SARAF: variants seen among roughly 807,000 people sequenced by gnomAD.
SARAF encodes store-operated calcium entry-associated regulatory factor.
Under a neutral mutation model 39.7 loss-of-function variants are expected in SARAF, and 23 were observed. The observed-to-expected ratio is 0.58, with a 90% confidence interval of 0.42 to 0.82. The LOEUF is 0.82. Ranked by LOEUF, SARAF falls within the 40% of genes least tolerant of loss-of-function variation. SARAF has a pLI of 0.00. For missense variants in SARAF, 384 were observed against 418.5 expected (o/e 0.92, Z 0.72); for synonymous variants, 175 against 168.5 (o/e 1.04, Z -0.30).
Position 30,066,843 on chromosome 8 carries a change from G to A in SARAF, c.776C>T (p.Ser259Leu). 1 of 1,614,142 alleles carries A rather than the reference G, an allele frequency of 6.2e-7. No individual in the cohort carries two copies. Among genetic ancestry groups the A allele is most frequent in the Admixed American group, 1.7e-5 (1 of 60,012 alleles). The change falls in exon 4 of 6, where the codon TCA (serine) becomes TTA (leucine). Residue 259 changes from serine to leucine, a missense_variant. Physicochemically the swap from Ser to Leu is moderately radical, Grantham distance 145. Coordinates refer to ENST00000256255, the MANE Select transcript of SARAF (RefSeq NM_016127.6). The part of the protein sequence containing the change: ...AFTGQQGYEN[S>L]GPGFWTGLGT... Reference sequence around the variant, plus strand: ...CAAGCCTGTCCAGAACCCTGGTCCTGAATTTTCATATCCTTGTTGTCCTGT... The same window carrying A: ...CAAGCCTGTCCAGAACCCTGGTCCTAAATTTTCATATCCTTGTTGTCCTGT...
chr8:30,082,766 C>A, intron 1 of SARAF, 81 bp downstream of exon 1: 10 of 1,163,658 alleles, frequency 8.6e-6, no homozygotes, highest in Non-Finnish European at 1.2e-5. Flanking sequence ...AGACGGCGCA[C>A]GGAAACGCAG....
At chr8:30,075,526 G>A (rs1264177010) in intron 1 of SARAF, among the ~76,000 whole-genome samples, 4 of 152,086 alleles carry the variant, frequency 2.6e-5, no homozygotes, top group Admixed American at 6.5e-5. Context: ...AGAGGGACTC[G>A]AGCAAAATCT....
intron 1 of SARAF, chr8:30,078,190 AAAAAG>A (rs775999501): frequency 3.0e-5 from 12 of 405,130 alleles, no homozygotes; most frequent in South Asian, 1.1e-4. Flanking sequence ...GAAAAAAAAA[AAAAAG>A]AAAGAAAGAA....
chr8:30,074,796 C>A (rs1338107990), intron 1 of SARAF, among the ~76,000 whole-genome samples: 1 of 152,042 alleles, frequency 6.6e-6, no homozygotes, highest in Non-Finnish European at 1.5e-5. Flanking sequence ...GCAAATATGG[C>A]AAAATATAAA....
intron 5 of SARAF, among the ~76,000 whole-genome samples, chr8:30,064,195 C>A (rs1801620171): frequency 6.6e-6 from 1 of 152,058 alleles, no homozygotes; most frequent in Non-Finnish European, 1.5e-5. Context: ...ATGGTACAGG[C>A]AATACTCAAA....
chr8:30,070,733 A>G (rs558088453), intron 2 of SARAF, among the ~76,000 whole-genome samples: 42 of 152,350 alleles, frequency 2.8e-4, no homozygotes, highest in African/African-American at 9.6e-4. Flanking sequence ...TTAAAAATCC[A>G]GATTTCTTAA....
At chr8:30,079,524 A>C (rs1802052529) in intron 1 of SARAF, among the ~76,000 whole-genome samples, 1 of 152,244 alleles carries the variant, frequency 6.6e-6, no homozygotes, top group Non-Finnish European at 1.5e-5. Flanking sequence ...GTTTAGAAAA[A>C]TCAGACTGTA....
At chr8:30,081,731 AT>A (rs11314015) in intron 1 of SARAF, among the ~76,000 whole-genome samples, 119,764 of 147,280 alleles carry the variant, frequency 0.81, 50,417 homozygotes, top group South Asian at 0.97. Flanking sequence ...TGTTGTTTTC[AT>A]TTTTTTTTTT....
intron 4 of SARAF, 117 bp from the exon 5 acceptor site, chr8:30,066,256 G>A: frequency 9.3e-7 from 1 of 1,073,358 alleles, no homozygotes; most frequent in Non-Finnish European, 1.3e-6. Flanking sequence ...TTTCCTGAAT[G>A]TTCTGGTATA....
intron 5 of SARAF, 160 bp downstream of exon 5, chr8:30,065,828 A>T (rs1801670430): frequency 2.5e-6 from 2 of 805,294 alleles, no homozygotes; most frequent in East Asian, 5.6e-5. Flanking sequence ...TTTTTAAAGA[A>T]TGTTTAAAAG....
intron 5 of SARAF, 73 bp from the exon 6 acceptor site, chr8:30,063,986 T>C (rs374542214): frequency 2.3e-6 from 3 of 1,285,610 alleles, no homozygotes; most frequent in East Asian, 2.3e-5. Context: ...TTACAAGTCA[T>C]ACATGTTTAT....
rs771521091 is a variant in SARAF, at chr8:30,069,960, C to T, written c.382G>A (p.Gly128Ser). 3.1e-6 allele frequency: 5 copies of T among 1,613,970 alleles called. No individual in the cohort carries two copies. Among genetic ancestry groups the T allele is most frequent in the Non-Finnish European group, 4.2e-6 (5 of 1,180,042 alleles). The part of the protein sequence containing the change: ...ESSEDQYVLR[G>S]SCGLEYNLDY... ...AAATTATACTCCAAGCCACAAGAAC[C>T]TCTTAGTACATACTGGTCTTCAGAG... The change falls in exon 3 of 6, where the codon GGT (glycine) becomes AGT (serine). Residue 128 changes from glycine (G) to serine (S), a missense_variant. By Grantham distance (56) the Gly-to-Ser change is moderately conservative (BLOSUM62 0). Transcript: ENST00000256255.
At chr8:30,082,141 A>C (rs1021513431) in intron 1 of SARAF, 1 of 152,168 alleles carries the variant, frequency 6.6e-6, no homozygotes, top group African/African-American at 2.4e-5. Context: ...GGTCGAGACC[A>C]GCCTGGCCAA....
At chr8:30,070,154 A>G in intron 2 of SARAF, 95 bp from the exon 3 acceptor site, 1 of 1,148,666 alleles carries the variant, frequency 8.7e-7, no homozygotes, top group Non-Finnish European at 1.2e-6. Context: ...TCACACCTGT[A>G]ATCTCAGCAC....
chr8:30,070,150 C>T, intron 2 of SARAF, 91 bp from the exon 3 acceptor site: 1 of 1,189,274 alleles, frequency 8.4e-7, no homozygotes. Flanking sequence ...TGGCTCACAC[C>T]TGTAATCTCA....
chr8:30,072,975 A>T (rs1467006520), intron 2 of SARAF, among the ~76,000 whole-genome samples: 2 of 152,202 alleles, frequency 1.3e-5, no homozygotes, highest in Non-Finnish European at 2.9e-5. Context: ...CATCACCATT[A>T]CTGCCTTTTT....
At chr8:30,077,870 A>G (rs1001962623) in intron 1 of SARAF, among the ~76,000 whole-genome samples, 2 of 146,896 alleles carry the variant, frequency 1.4e-5, no homozygotes, top group African/African-American at 5.0e-5. Context: ...GGCTGGGCAC[A>G]GTGGCTCACG....
intron 3 of SARAF, among the ~76,000 whole-genome samples, chr8:30,069,290 C>T (rs531530783): frequency 1.3e-5 from 2 of 152,082 alleles, no homozygotes; most frequent in East Asian, 3.9e-4. Flanking sequence ...CAGGTGCCCG[C>T]CACAACACCC....
At chr8:30,072,806 T>TA (rs1269014031) in intron 2 of SARAF, among the ~76,000 whole-genome samples, 1 of 152,228 alleles carries the variant, frequency 6.6e-6, no homozygotes, top group Non-Finnish European at 1.5e-5. Flanking sequence ...TCTCATCCTT[T>TA]AAGTCCCAAT....
Sources: gnomAD v4.1 joint callset for allele counts (sites outside exome capture counted in the v4.1 genomes callset) on GRCh38, gnomAD v4.1.1 for gene constraint, MANE v1.5 for transcripts, NCBI Gene and HGNC (gene_info 2026-07-23, HGNC 2026-07-21) for gene names.